IMMP2L: variants seen among roughly 807,000 people sequenced by gnomAD.
IMMP2L encodes the protein mitochondrial inner membrane protease subunit 2.
In IMMP2L, 18 loss-of-function variants were observed where a neutral mutation model predicts 19.3. The observed-to-expected ratio is 0.93, with a 90% CI of 0.64 to 1.38. The LOEUF is 1.38. IMMP2L is among the 40% of genes most tolerant of loss of function. The probability of loss-of-function intolerance (pLI) is 0.00; values close to 1 mark genes in which losing one functional copy is unlikely to be tolerated. For missense variants in IMMP2L, 233 were observed against 218.2 expected (o/e 1.07, Z -0.43); for synonymous variants, 76 against 73.0 (o/e 1.04, Z -0.21).
chr7:110,775,447 G>C (rs1339127545), intron 5 of IMMP2L, among the ~76,000 whole-genome samples: 1 of 152,034 alleles, frequency 6.6e-6, no homozygotes, highest in Admixed American at 6.6e-5. Flanking sequence ...ACCTAAAGAA[G>C]AGGGCATTTG....
chr7:110,876,429 C>A (rs1375898628), intron 5 of IMMP2L, among the ~76,000 whole-genome samples: 1 of 152,078 alleles, frequency 6.6e-6, no homozygotes, highest in African/African-American at 2.4e-5. Flanking sequence ...GACTGGATTG[C>A]CACTCCCAAT....
At chr7:111,075,202 C>T (rs761667158) in intron 3 of IMMP2L, among the ~76,000 whole-genome samples, 1 of 142,564 alleles carries the variant, frequency 7.0e-6, no homozygotes, top group South Asian at 2.3e-4. Context: ...TCTCAGGTCA[C>T]TGCAACCTCC....
intron 3 of IMMP2L, among the ~76,000 whole-genome samples, chr7:111,031,551 A>C (rs1244269283): frequency 1.3e-5 from 2 of 152,316 alleles, no homozygotes; most frequent in East Asian, 1.9e-4. Context: ...AGTGTAAAAT[A>C]AATATCCACA....
chr7:110,944,675 G>A (rs1817074564), intron 4 of IMMP2L, among the ~76,000 whole-genome samples: 1 of 151,964 alleles, frequency 6.6e-6, no homozygotes, highest in Non-Finnish European at 1.5e-5. Flanking sequence ...GAAAGTGGAA[G>A]TGGACTCTTA....
At chr7:111,251,812 G>C (rs1282628074) in intron 3 of IMMP2L, among the ~76,000 whole-genome samples, 1 of 151,954 alleles carries the variant, frequency 6.6e-6, no homozygotes, top group East Asian at 1.9e-4. Flanking sequence ...TGGGTGATGG[G>C]TTTATCTGTG....
At chr7:111,163,099 T>A (rs918430185) in intron 3 of IMMP2L, among the ~76,000 whole-genome samples, 1 of 151,988 alleles carries the variant, frequency 6.6e-6, no homozygotes, top group African/African-American at 2.4e-5. Context: ...CCCCAAACTG[T>A]TTCCTCAAGG....
chr7:110,882,205 T>C (rs1265485757), intron 5 of IMMP2L, among the ~76,000 whole-genome samples: 3 of 152,154 alleles, frequency 2.0e-5, no homozygotes, highest in Non-Finnish European at 1.5e-5. Flanking sequence ...TTATTATCTA[T>C]GACCTGAATC....
chr7:111,241,370 T>C (rs568433835), intron 3 of IMMP2L, among the ~76,000 whole-genome samples: 101 of 152,134 alleles, frequency 6.6e-4, no homozygotes, highest in African/African-American at 2.3e-3. Context: ...ATTTGCTTTG[T>C]AAAAATTTTA....
chr7:111,353,017 G>T (rs1301109559), intron 3 of IMMP2L, among the ~76,000 whole-genome samples: 2 of 152,076 alleles, frequency 1.3e-5, no homozygotes, highest in East Asian at 3.9e-4. Flanking sequence ...TTTATCTACA[G>T]ACTTCTCTCA....
intron 3 of IMMP2L, among the ~76,000 whole-genome samples, chr7:111,473,487 T>C (rs927441979): frequency 9.9e-5 from 15 of 152,206 alleles, no homozygotes; most frequent in Non-Finnish European, 2.2e-4. Context: ...TTTGGCTTAC[T>C]ATATAGCAGA....
intron 5 of IMMP2L, among the ~76,000 whole-genome samples, chr7:110,878,630 T>C (rs933938058): frequency 2.6e-5 from 4 of 152,068 alleles, no homozygotes; most frequent in South Asian, 2.1e-4. Context: ...CTGTTGTCAA[T>C]AGAATGCATA....
intron 5 of IMMP2L, among the ~76,000 whole-genome samples, chr7:110,742,083 G>A (rs1249177349): frequency 6.6e-6 from 1 of 152,046 alleles, no homozygotes; most frequent in Non-Finnish European, 1.5e-5. Context: ...GTAGCCTCAA[G>A]AATTACAACA....
intron 3 of IMMP2L, among the ~76,000 whole-genome samples, chr7:111,451,303 G>T (rs1163937232): frequency 6.6e-6 from 1 of 150,546 alleles, no homozygotes; most frequent in East Asian, 1.9e-4. Context: ...CAAAGACTTG[G>T]AACCAACCCA....
rs200515080 is a variant in IMMP2L, at chr7:110,939,459, A to G, written c.305+24041T>C. ...TACACAGGGAATAAAAAAAAAAGTAATAAGATTTTTTGTGCTGTGGCACGA... is the reference window on the plus strand; with the variant it reads ...TACACAGGGAATAAAAAAAAAAGTAGTAAGATTTTTTGTGCTGTGGCACGA... On this transcript the variant is annotated intron_variant, in intron 4 of 5. Coordinates refer to ENST00000405709, the MANE Select transcript of IMMP2L (RefSeq NM_032549.4). Among the ~76,000 whole-genome samples, 8 of 152,124 alleles carry G rather than the reference A, an allele frequency of 5.3e-5. No homozygotes were observed. In the East Asian group the frequency reaches 7.7e-4, roughly 15 times the overall value.
At position 111,446,202 on chromosome 7, in the gene IMMP2L, G is replaced by T. The variant is rs558551960; in HGVS notation, c.239+41036C>A. ...TGGAAGCTCAAACTGGGTGGAGCCC[G>T]CCACAGCTCAAGGAGGCCTGCCTGC... On this transcript the variant is annotated intron_variant, in intron 3 of 5. Coordinates refer to ENST00000405709, the MANE Select transcript of IMMP2L (RefSeq NM_032549.4). Among the ~76,000 whole-genome samples, 1,490 of 152,164 alleles carry T rather than the reference G, an allele frequency of 9.8e-3. 39 individuals carry two copies. Among genetic ancestry groups the T allele is most frequent in the African/African-American group, 0.034 (1,423 of 41,476 alleles).
intron 3 of IMMP2L, among the ~76,000 whole-genome samples, chr7:111,269,012 T>C (rs931727588): frequency 2.6e-5 from 4 of 152,102 alleles, no homozygotes; most frequent in Admixed American, 2.6e-4. Context: ...CAAGGTCCAG[T>C]TACTGCATAG....
intron 3 of IMMP2L, among the ~76,000 whole-genome samples, chr7:111,176,911 G>A (rs566147221): frequency 6.6e-6 from 1 of 151,926 alleles, no homozygotes; most frequent in South Asian, 2.1e-4. Flanking sequence ...TCTACATGTA[G>A]TATAAGAAAG....
At chr7:111,139,732 G>A (rs1802690711) in intron 3 of IMMP2L, among the ~76,000 whole-genome samples, 1 of 151,918 alleles carries the variant, frequency 6.6e-6, no homozygotes, top group African/African-American at 2.4e-5. Context: ...TCCTCAAGTA[G>A]AAACAAAATA....
At chr7:110,769,946 C>T (rs1798928831) in intron 5 of IMMP2L, among the ~76,000 whole-genome samples, 1 of 152,064 alleles carries the variant, frequency 6.6e-6, no homozygotes, top group African/African-American at 2.4e-5. Context: ...AACGGGTTGA[C>T]TATCCGAACT....
Sources: allele counts gnomAD v4.1 joint callset (sites outside exome capture counted in the v4.1 genomes callset), GRCh38; gene constraint gnomAD v4.1.1; transcripts MANE v1.5; gene names NCBI Gene and HGNC (gene_info 2026-07-23, HGNC 2026-07-21).